SORCS3: variants seen among roughly 807,000 people sequenced by gnomAD.
The protein encoded by SORCS3 is sortilin related VPS10 domain containing receptor 3.
A neutral mutation model predicts 146.3 loss-of-function variants in SORCS3; 57 were observed. The ratio of observed to expected loss-of-function variants is 0.39; its 90% CI spans 0.31 to 0.49. The LOEUF (loss-of-function observed/expected upper bound fraction) is 0.49. Among genes scored for constraint, SORCS3 ranks in the 20% least tolerant of loss-of-function variants. The pLI is 0.92. For missense variants in SORCS3, 1,341 were observed against 1,575.5 expected (o/e 0.85, Z 2.52); for synonymous variants, 653 against 618.5 (o/e 1.06, Z -0.83).
chr10:104,674,450 A>G (rs2015891290), intron 1 of SORCS3, among the ~76,000 whole-genome samples: 1 of 152,222 alleles, frequency 6.6e-6, no homozygotes, highest in Admixed American at 6.5e-5. Context: ...TGCTCTGATG[A>G]AAAGCCTTTG....
intron 1 of SORCS3, among the ~76,000 whole-genome samples, chr10:104,761,426 C>T (rs1283491160): frequency 2.0e-5 from 3 of 152,128 alleles, no homozygotes; most frequent in African/African-American, 4.8e-5. Context: ...AAAATAGATA[C>T]AGGCCAAGTG....
At chr10:104,741,179 C>G (rs1393880987) in intron 1 of SORCS3, among the ~76,000 whole-genome samples, 1 of 146,684 alleles carries the variant, frequency 6.8e-6, no homozygotes, top group African/African-American at 2.5e-5. Context: ...CTATGTTGCC[C>G]AGGTTGTTCT....
At chr10:104,663,777 G>A (rs1215093849) in intron 1 of SORCS3, among the ~76,000 whole-genome samples, 1 of 152,194 alleles carries the variant, frequency 6.6e-6, no homozygotes, top group Admixed American at 6.5e-5. Context: ...GCATGCTGCT[G>A]CTGAATGAAC....
chr10:104,900,722 C>T (rs2018843230), intron 2 of SORCS3, among the ~76,000 whole-genome samples: 1 of 151,974 alleles, frequency 6.6e-6, no homozygotes, highest in Non-Finnish European at 1.5e-5. Context: ...AACCCCGTCT[C>T]TACTAAAAAT....
intron 24 of SORCS3, 97 bp downstream of exon 24, chr10:105,255,898 G>A: frequency 1.0e-6 from 1 of 986,084 alleles, no homozygotes; most frequent in Non-Finnish European, 1.5e-6. Context: ...CATAATGTCT[G>A]AAAGTGGCTT....
chr10:104,889,447 G>A (rs1347144832), intron 2 of SORCS3, among the ~76,000 whole-genome samples: 1 of 126,842 alleles, frequency 7.9e-6, no homozygotes, highest in Admixed American at 7.4e-5. Context: ...CCCTCCTTTT[G>A]GATGGTATTT....
At chr10:104,875,745 A>G (rs772418603) in intron 2 of SORCS3, among the ~76,000 whole-genome samples, 121 of 152,158 alleles carry the variant, frequency 8.0e-4, no homozygotes, top group Non-Finnish European at 1.0e-3. Flanking sequence ...CATGGGCTCA[A>G]TGGTGCATAT....
intron 5 of SORCS3, among the ~76,000 whole-genome samples, chr10:105,049,905 C>T (rs775265171): frequency 5.3e-5 from 8 of 151,986 alleles, no homozygotes; most frequent in African/African-American, 1.2e-4. Context: ...CAAATTTCAA[C>T]GTCACACAAT....
chr10:104,991,956 TGCATTTCA>T (rs778593224), intron 4 of SORCS3, among the ~76,000 whole-genome samples: 1 of 152,210 alleles, frequency 6.6e-6, no homozygotes, highest in Non-Finnish European at 1.5e-5. Flanking sequence ...TTTGTGGGGA[TGCATTTCA>T]GCCCATAAGA....
chr10:105,241,045 T>C (rs1167335281), intron 20 of SORCS3, among the ~76,000 whole-genome samples: 1 of 152,108 alleles, frequency 6.6e-6, no homozygotes, highest in African/African-American at 2.4e-5. Flanking sequence ...TTTCCTATTT[T>C]GGGCTGCTAT....
chr10:104,793,584 G>T (rs1197065886), intron 1 of SORCS3, among the ~76,000 whole-genome samples: 1 of 152,144 alleles, frequency 6.6e-6, no homozygotes, highest in Non-Finnish European at 1.5e-5. Context: ...TTAGGACTTA[G>T]CAATGATTGA....
At chr10:104,825,726 T>A (rs1025839996) in intron 1 of SORCS3, among the ~76,000 whole-genome samples, 1 of 152,200 alleles carries the variant, frequency 6.6e-6, no homozygotes, top group African/African-American at 2.4e-5. Context: ...TGTGGTCATT[T>A]AGCCCCACCC....
intron 5 of SORCS3, 111 bp downstream of exon 5, chr10:105,043,239 C>A: frequency 1.1e-6 from 1 of 919,624 alleles, no homozygotes. Flanking sequence ...GTGTTCCAGT[C>A]CTTTGCTACA....
intron 23 of SORCS3, among the ~76,000 whole-genome samples, chr10:105,255,274 A>G (rs981126769): frequency 6.6e-6 from 1 of 151,674 alleles, no homozygotes. Context: ...TTGAACAATG[A>G]GAACACATGG....
chr10:104,845,648 G>C (rs545201858), intron 2 of SORCS3, among the ~76,000 whole-genome samples: 1 of 152,148 alleles, frequency 6.6e-6, no homozygotes, highest in African/African-American at 2.4e-5. Flanking sequence ...CTAGGAATTA[G>C]CAGAGATCTT....
At chr10:104,775,005 T>C (rs545474122) in intron 1 of SORCS3, among the ~76,000 whole-genome samples, 1 of 152,308 alleles carries the variant, frequency 6.6e-6, no homozygotes, top group African/African-American at 2.4e-5. Context: ...TCAAGAATAA[T>C]TTTACCAAGC....
chr10:104,978,296 T>C (rs1304143323), intron 4 of SORCS3, among the ~76,000 whole-genome samples: 1 of 152,200 alleles, frequency 6.6e-6, no homozygotes, highest in East Asian at 1.9e-4. Context: ...AGTTGAGTTA[T>C]AGAAGGGAAG....
intron 1 of SORCS3, among the ~76,000 whole-genome samples, chr10:104,715,009 C>T (rs1056570556): frequency 1.2e-4 from 19 of 152,080 alleles, no homozygotes; most frequent in African/African-American, 4.3e-4. Context: ...AATTTAAGCT[C>T]GTGTTGTATT....
At chr10:104,735,450 C>T (rs933951273) in intron 1 of SORCS3, among the ~76,000 whole-genome samples, 2 of 25,294 alleles carry the variant, frequency 7.9e-5, no homozygotes, top group Non-Finnish European at 1.5e-4. Flanking sequence ...TGAGCTCTCA[C>T]CGTCTGTTTT....
Sources: gnomAD v4.1 joint callset for allele counts (sites outside exome capture counted in the v4.1 genomes callset) on GRCh38, gnomAD v4.1.1 for gene constraint, MANE v1.5 for transcripts, NCBI Gene and HGNC (gene_info 2026-07-23, HGNC 2026-07-21) for gene names.